The following PGS1 variants were observed in gnomAD, a reference collection of about 807,000 sequenced individuals.
The protein encoded by PGS1 is CDP-diacylglycerol--glycerol-3-phosphate 3-phosphatidyltransferase, mitochondrial.
PGS1 carries 44 observed loss-of-function variants against 58.3 expected under a neutral mutation model. The ratio of observed to expected loss-of-function variants is 0.75; its 90% CI spans 0.59 to 0.97. The LOEUF is 0.97. Among genes scored for constraint, PGS1 ranks in the 50% least tolerant of loss-of-function variants. PGS1 has a pLI of 0.00. For synonymous variants in PGS1, 330 were observed against 311.0 expected (o/e 1.06, Z -0.64); for missense variants, 684 against 731.1 (o/e 0.94, Z 0.74).
chr17:78,423,563 AC>A (rs200255181), intron 9 of PGS1: 6 of 298,176 alleles, frequency 2.0e-5, no homozygotes, highest in Non-Finnish European at 3.9e-5. Context: ...AACTCCACTG[AC>A]CCCCCCGGGA....
At chr17:78,414,829 T>C (rs1157651261) in intron 7 of PGS1, 50 bp from the exon 8 acceptor site, 2 of 1,600,922 alleles carry the variant, frequency 1.2e-6, no homozygotes, top group Non-Finnish European at 1.7e-6. Context: ...GAGAGGACTT[T>C]GGTAGATGCT....
chr17:78,385,551 A>G (rs1021593094), intron 1 of PGS1, among the ~76,000 whole-genome samples: 11 of 152,006 alleles, frequency 7.2e-5, no homozygotes, highest in African/African-American at 2.7e-4. Context: ...GGCCTCCCAA[A>G]GTGTTGGGAT....
rs1398482677 is a variant in PGS1 at position 78,396,253 on chromosome 17, C to T, written c.334-55C>T. On this transcript the variant is annotated intron_variant, in intron 2 of 9. Coordinates refer to ENST00000262764, the MANE Select transcript of PGS1 (RefSeq NM_024419.5). ...CTCCCAGGTCAAAGGGTTCTGTTTT[C>T]TTAGTGAACCATGAAAATGATGAAT... is the stretch of plus-strand genomic sequence containing the variant. 6.6e-6 allele frequency: 9 copies of T among 1,366,370 alleles called. No individual in the cohort carries two copies. The East Asian group carries it at 1.1e-4, about 17-fold the overall frequency. The allele number at this position is 1,366,370 out of a possible 1,614,324, so 84.6% of individuals were successfully genotyped here.
intron 7 of PGS1, among the ~76,000 whole-genome samples, chr17:78,404,428 G>A (rs960497730): frequency 5.3e-5 from 8 of 151,394 alleles, no homozygotes; most frequent in African/African-American, 1.5e-4. Context: ...CTACAGGCGC[G>A]TGCCACCATG....
At chr17:78,391,243 C>T (rs559381858) in intron 1 of PGS1, among the ~76,000 whole-genome samples, 4 of 152,160 alleles carry the variant, frequency 2.6e-5, no homozygotes, top group South Asian at 2.1e-4. Context: ...CCACCGTGCG[C>T]GGCCACGGCT....
chr17:78,420,936 T>C (rs1168494305), intron 9 of PGS1: 1 of 152,146 alleles, frequency 6.6e-6, no homozygotes, highest in African/African-American at 2.4e-5. Flanking sequence ...GAAACAAAAA[T>C]TACCAAGAAT....
At chr17:78,379,572 T>TTCCA (rs1954328635) in intron 1 of PGS1, among the ~76,000 whole-genome samples, 1 of 152,122 alleles carries the variant, frequency 6.6e-6, no homozygotes, top group African/African-American at 2.4e-5. Context: ...ACGCCTGTAA[T>TTCCA]TCCAGCACTT....
intron 1 of PGS1, among the ~76,000 whole-genome samples, chr17:78,383,946 A>G (rs535884041): frequency 6.6e-6 from 1 of 152,304 alleles, no homozygotes; most frequent in South Asian, 2.1e-4. Context: ...TCCCTTTGTA[A>G]TAGCGTGATC....
intron 9 of PGS1, chr17:78,421,672 C>G (rs990637222): frequency 6.6e-6 from 1 of 152,272 alleles, no homozygotes; most frequent in Non-Finnish European, 1.5e-5. Flanking sequence ...GAGAGAGGCT[C>G]TCGGTAAACA....
chr17:78,410,128 CAG>C (rs2084510079), intron 7 of PGS1, among the ~76,000 whole-genome samples: 1 of 145,310 alleles, frequency 6.9e-6, no homozygotes, highest in Admixed American at 6.9e-5. Context: ...CAAAACAAAA[CAG>C]AAAAACAAAA....
chr17:78,406,691 G>C (rs1424309988), intron 7 of PGS1, among the ~76,000 whole-genome samples: 1 of 152,252 alleles, frequency 6.6e-6, no homozygotes, highest in African/African-American at 2.4e-5. Flanking sequence ...GTTACTTCTG[G>C]GAATAACAGC....
intron 1 of PGS1, among the ~76,000 whole-genome samples, chr17:78,387,324 G>GTTTTTTTTT (rs1329825134): frequency 6.7e-6 from 1 of 148,558 alleles, no homozygotes. Context: ...TTGAGACGGA[G>GTTTTTTTTT]TTTTTCCTCT....
intron 7 of PGS1, among the ~76,000 whole-genome samples, chr17:78,409,642 C>T (rs573134481): frequency 7.4e-4 from 113 of 152,210 alleles, no homozygotes; most frequent in Non-Finnish European, 1.1e-3. Context: ...GTACTAATGT[C>T]AGAGCAGGTG....
At chr17:78,412,074 G>A (rs1315242056) in intron 7 of PGS1, among the ~76,000 whole-genome samples, 1 of 151,868 alleles carries the variant, frequency 6.6e-6, no homozygotes, top group Non-Finnish European at 1.5e-5. Context: ...CAGACCAATG[G>A]CTAAAACTGA....
intron 8 of PGS1, among the ~76,000 whole-genome samples, chr17:78,417,643 T>G (rs2085307484): frequency 6.6e-6 from 1 of 151,806 alleles, no homozygotes; most frequent in Non-Finnish European, 1.5e-5. Context: ...TGTGCCACTT[T>G]GAGTGGCACA....
intron 6 of PGS1, among the ~76,000 whole-genome samples, chr17:78,402,397 CATATATATAT>C (rs10599132): frequency 0.14 from 15,606 of 108,078 alleles, 1,011 homozygotes; most frequent in East Asian, 0.31. Flanking sequence ...AATTTCTATT[CATATATATAT>C]ATATATATAT....
At position 78,397,731 on chromosome 17, in the gene PGS1, G is replaced by A. The variant is rs145388540; in HGVS notation, c.412-521G>A. Among the ~76,000 whole-genome samples, 469 of 152,254 alleles carry A rather than the reference G, an allele frequency of 3.1e-3. 9 individuals carry two copies. Among genetic ancestry groups the A allele is most frequent in the Non-Finnish European group, 1.6e-3 (110 of 68,016 alleles). ...ATTAGAGGCCTGAGCCACTGCGCCCGGCCGCCTCCCTCTATTTTTAGGATA... is the reference window on the plus strand; with the variant it reads ...ATTAGAGGCCTGAGCCACTGCGCCCAGCCGCCTCCCTCTATTTTTAGGATA... On this transcript the variant is annotated intron_variant, in intron 3 of 9. Coordinates refer to ENST00000262764, the MANE Select transcript of PGS1 (RefSeq NM_024419.5).
intron 1 of PGS1, among the ~76,000 whole-genome samples, chr17:78,389,300 C>T (rs8072820): frequency 0.18 from 27,874 of 151,612 alleles, 3,477 homozygotes; most frequent in African/African-American, 0.36. Flanking sequence ...ATTCTTCTGC[C>T]TCAGCCTCCT....
intron 7 of PGS1, among the ~76,000 whole-genome samples, chr17:78,409,049 G>GC (rs2084402968): frequency 6.6e-6 from 1 of 152,228 alleles, no homozygotes; most frequent in African/African-American, 2.4e-5. Flanking sequence ...GTCTTGAGAG[G>GC]CAGTGCAGGG....
Sources: allele counts gnomAD v4.1 joint callset (sites outside exome capture counted in the v4.1 genomes callset), GRCh38; gene constraint gnomAD v4.1.1; transcripts MANE v1.5; gene names NCBI Gene and HGNC (gene_info 2026-07-23, HGNC 2026-07-21).